The following TRIM67 variants were observed in gnomAD, a reference collection of about 807,000 sequenced individuals.
The protein encoded by TRIM67 is tripartite motif-containing protein 67.
A neutral mutation model predicts 71.0 loss-of-function variants in TRIM67; 39 were observed. That is an observed-to-expected ratio of 0.55 (90% confidence interval 0.43 to 0.72). The LOEUF (loss-of-function observed/expected upper bound fraction) is 0.72. TRIM67 is among the 30% of genes least tolerant of loss of function. TRIM67 has a pLI of 0.00. For missense variants in TRIM67, 973 were observed against 1,079.2 expected, an observed-to-expected ratio of 0.90 and a Z score of 1.38; for synonymous variants, 481 against 473.9, an observed-to-expected ratio of 1.01 and a Z score of -0.19.
intron 1 of TRIM67, chr1:231,187,461 A>G: frequency 1.4e-6 from 2 of 1,392,382 alleles, no homozygotes; most frequent in South Asian, 1.3e-5. Flanking sequence ...AGATGAGGGC[A>G]TTTTTAACTT....
rs777735001 is a variant in TRIM67, at chr1:231,163,105, C to T, written c.136C>T (p.Pro46Ser). ...VQTPDGEQHL[P>S]QPLLLSRGSG... The stretch of plus-strand genomic sequence containing the variant: ...GACCCCGGACGGTGAGCAGCACCTG[C>T]CCCAGCCGCTCCTGCTTTCCCGGGG... Residue 46 changes from proline (P) to serine (S), a missense_variant, in exon 1 of 10, where the codon CCC (proline) becomes TCC (serine). Coordinates refer to ENST00000366653, the MANE Select transcript of TRIM67 (RefSeq NM_001004342.5). 24 of 1,567,788 alleles carry T rather than the reference C, an allele frequency of 1.5e-5. No individual in the cohort carries two copies. Among genetic ancestry groups the T allele is most frequent in the Non-Finnish European group, 2.1e-5 (24 of 1,158,366 alleles).
Position 231,163,404 on chromosome 1 carries a change from C to A in TRIM67, c.435C>A (p.Ala145=). 6.5e-7 allele frequency: 1 copy of A among 1,537,150 alleles called. No individual in the cohort carries two copies. Among genetic ancestry groups the A allele is most frequent in the East Asian group, 2.5e-5 (1 of 39,820 alleles). Reference sequence around the variant, plus strand: ...CCTCGGCTGCGGCGGCTCGGGGTGCCGCCTGCTCCTCGCTGTCCTCGTCTT... The same window carrying A: ...CCTCGGCTGCGGCGGCTCGGGGTGCAGCCTGCTCCTCGCTGTCCTCGTCTT... ...PGSSAAAARG[A]ACSSLSSSSS... is the part of the protein sequence containing the mutation. The change falls in exon 1 of 10, where the codon GCC becomes GCA. Residue 145 remains alanine (A), a synonymous_variant. Coordinates refer to ENST00000366653, the MANE Select transcript of TRIM67 (RefSeq NM_001004342.5).
intron 1 of TRIM67, among the ~76,000 whole-genome samples, chr1:231,173,618 C>T (rs956064013): frequency 7.9e-5 from 12 of 152,104 alleles, no homozygotes; most frequent in African/African-American, 2.7e-4. Flanking sequence ...CATAATGAAA[C>T]AGATGAATAA....
In TRIM67 at chr1:231,219,681, G is replaced by C; in HGVS notation, c.*4241G>C. On this transcript the variant is annotated 3_prime_UTR_variant, in exon 10 of 10. Coordinates refer to ENST00000366653, the MANE Select transcript of TRIM67 (RefSeq NM_001004342.5). ...GGAAGCAACAGGAACTTCTTAATGGGTTTGTGGCCCTCAATTGGTTTTTAA... is the reference window on the plus strand; with the variant it reads ...GGAAGCAACAGGAACTTCTTAATGGCTTTGTGGCCCTCAATTGGTTTTTAA... 1 of 1,185,334 alleles carries C rather than the reference G, an allele frequency of 8.4e-7. No homozygotes were observed. The highest frequency in any genetic ancestry group is 1.6e-5 in the South Asian group (1 of 62,296). The allele number at this position is 1,185,334 out of a possible 1,614,324, so 73.4% of individuals were successfully genotyped here.
chr1:231,163,497 C>T lies in TRIM67; in HGVS notation c.528C>T (p.Phe176=), dbSNP rs748636834. Residue 176 remains phenylalanine, a synonymous_variant, in exon 1 of 10, where the codon TTC becomes TTT. Transcript: ENST00000366653. Reference sequence around the variant, plus strand: ...TGGACCACCGCGGCCTGCGCGGCTTCCAGCGCAACCGGCTGCTCGAGGCCA... The same window carrying T: ...TGGACCACCGCGGCCTGCGCGGCTTTCAGCGCAACCGGCTGCTCGAGGCCA... ...ASLDHRGLRG[F]QRNRLLEAIV... 1 of 1,520,938 alleles carries T rather than the reference C, an allele frequency of 6.6e-7. No individual in the cohort carries two copies. The highest frequency in any genetic ancestry group is 2.6e-5 in the East Asian group (1 of 38,668). 94.2% of individuals were successfully genotyped at this position (1,520,938 alleles called of 1,614,324 possible). A position where few individuals can be genotyped will look rare whatever the true frequency, so the allele number is the denominator to read the frequency against.
chr1:231,196,299 G>A (rs1683369964), intron 1 of TRIM67, among the ~76,000 whole-genome samples: 2 of 152,140 alleles, frequency 1.3e-5, no homozygotes, highest in African/African-American at 4.8e-5. Context: ...GAAAATGAGA[G>A]TCATGTAAAA....
intron 1 of TRIM67, chr1:231,186,023 T>G: frequency 7.0e-7 from 1 of 1,436,328 alleles, no homozygotes; most frequent in South Asian, 1.2e-5. Context: ...GTGCTTGGGT[T>G]GCAGATTTTC....
intron 5 of TRIM67, among the ~76,000 whole-genome samples, chr1:231,202,761 C>G (rs972116960): frequency 3.3e-5 from 5 of 152,210 alleles, no homozygotes; most frequent in Admixed American, 3.3e-4. Context: ...CTGGAAAGGC[C>G]ATTTGCCCCA....
Position 231,219,266 on chromosome 1 carries a change from G to T in TRIM67, c.*3826G>T. The T allele has an allele frequency of 1.4e-5, 14 of 979,422 alleles. No homozygotes were observed. Among genetic ancestry groups the T allele is most frequent in the Non-Finnish European group, 1.6e-5 (13 of 824,220 alleles). 60.7% of individuals were successfully genotyped at this position (979,422 alleles called of 1,614,324 possible). A position where few individuals can be genotyped will look rare whatever the true frequency, so the allele number is the denominator to read the frequency against. On this transcript the variant is annotated 3_prime_UTR_variant, in exon 10 of 10. Transcript: ENST00000366653. ...CATCCCTGGTCTCTACCCATCATCTGCCAGTAGCAACCCCCAAGTTAGGTG... is the reference window on the plus strand; with the variant it reads ...CATCCCTGGTCTCTACCCATCATCTTCCAGTAGCAACCCCCAAGTTAGGTG...
In TRIM67 at chr1:231,215,778, C is replaced by T; in HGVS notation, c.*338C>T. 1 of 1,090,572 alleles carries T rather than the reference C, an allele frequency of 9.2e-7. No homozygotes were observed. Among genetic ancestry groups the T allele is most frequent in the South Asian group, 4.4e-5 (1 of 22,818 alleles). 67.6% of individuals were successfully genotyped at this position (1,090,572 alleles called of 1,614,324 possible). ...CCTGCCATCTGTTTTCAAAGCTTGT[C>T]TTTTTTTGGAGGGAGAGGAAGGTAG... On this transcript the variant is annotated 3_prime_UTR_variant, in exon 10 of 10. Transcript: ENST00000366653.
At chr1:231,195,802 C>G (rs540674437) in intron 1 of TRIM67, among the ~76,000 whole-genome samples, 15 of 152,290 alleles carry the variant, frequency 9.8e-5, no homozygotes, top group African/African-American at 3.6e-4. Context: ...CTTGGTAAAC[C>G]GCAGACTCCA....
intron 1 of TRIM67, among the ~76,000 whole-genome samples, chr1:231,173,322 G>A (rs952521750): frequency 7.2e-5 from 11 of 152,306 alleles, no homozygotes; most frequent in African/African-American, 2.6e-4. Flanking sequence ...TGAGGCAGGT[G>A]GATTTCTTGA....
intron 3 of TRIM67, 124 bp from the exon 4 acceptor site, chr1:231,200,024 C>A: frequency 2.9e-6 from 2 of 682,518 alleles, no homozygotes; most frequent in South Asian, 1.7e-5. Context: ...GGAGCTGGTG[C>A]AAGGTGGTCC....
chr1:231,162,717 G>A lies in TRIM67; in HGVS notation c.-253G>A. ...GACCGGCTCCGGAATCTGGCCGCAG[G>A]TTGAAGCCGCTGGTGCGGGACCCTC... On this transcript the variant is annotated 5_prime_UTR_variant, in exon 1 of 10. Transcript: ENST00000366653. 3.9e-6 allele frequency: 2 copies of A among 506,528 alleles called. No homozygotes were observed. The highest frequency in any genetic ancestry group is 6.9e-6 in the Non-Finnish European group (2 of 291,426). The allele number at this position is 506,528 out of a possible 1,614,324, so 31.4% of individuals were successfully genotyped here.
At chr1:231,164,782 A>G (rs2102708699) in intron 1 of TRIM67, among the ~76,000 whole-genome samples, 1 of 152,334 alleles carries the variant, frequency 6.6e-6, no homozygotes, top group Admixed American at 6.5e-5. Flanking sequence ...AGGCTATCCA[A>G]CTGGAAATAA....
intron 1 of TRIM67, among the ~76,000 whole-genome samples, chr1:231,189,424 A>G (rs1446137199): frequency 6.6e-6 from 1 of 152,180 alleles, no homozygotes; most frequent in East Asian, 1.9e-4. Context: ...TAACCTCACA[A>G]TCATTGTGGG....
At chr1:231,193,503 G>GCT (rs3049035) in intron 1 of TRIM67, among the ~76,000 whole-genome samples, 10,728 of 81,878 alleles carry the variant, frequency 0.13, 1,073 homozygotes, top group Admixed American at 0.19. Context: ...TCTCTCTCAA[G>GCT]CTCTCTCTCT....
At chr1:231,186,471 C>G (rs74143578) in intron 1 of TRIM67, among the ~76,000 whole-genome samples, 2 of 152,088 alleles carry the variant, frequency 1.3e-5, no homozygotes, top group Non-Finnish European at 2.9e-5. Context: ...ATCAGGGTGT[C>G]GGCAGGGCTA....
chr1:231,214,016 C>T, intron 9 of TRIM67, 39 bp downstream of exon 9: 4 of 1,564,450 alleles, frequency 2.6e-6, no homozygotes, highest in Non-Finnish European at 3.5e-6. Flanking sequence ...TCTGGCTGCT[C>T]CCAACTGTTT....
Sources: gnomAD v4.1 joint callset for allele counts (sites outside exome capture counted in the v4.1 genomes callset) on GRCh38, gnomAD v4.1.1 for gene constraint, MANE v1.5 for transcripts, NCBI Gene and HGNC (gene_info 2026-07-23, HGNC 2026-07-21) for gene names.